Variants in WWOX observed in about 807,000 individuals in gnomAD.
WWOX encodes the protein WW domain containing oxidoreductase.
WWOX carries 69 observed loss-of-function variants against 46.2 expected under a neutral mutation model. The observed-to-expected ratio is 1.49, with a 90% confidence interval of 1.23 to 1.82. The LOEUF (loss-of-function observed/expected upper bound fraction) is 1.82, where lower values mean the gene tolerates loss of function less well. Among genes scored for constraint, WWOX ranks in the 40% most tolerant of loss-of-function variants. The probability of loss-of-function intolerance (pLI) is 0.00; values close to 1 mark genes in which losing one functional copy is unlikely to be tolerated. For missense variants in WWOX, 919 were observed against 542.6 expected (o/e 1.69, Z -6.89); for synonymous variants, 359 against 202.6 (o/e 1.77, Z -6.56).
chr16:78,557,216 C>T lies in WWOX; in HGVS notation c.1056+124464C>T, dbSNP rs558501197. Among the ~76,000 whole-genome samples, 375 of 148,042 alleles carry T rather than the reference C, an allele frequency of 2.5e-3. 3 individuals carry two copies. Among genetic ancestry groups the T allele is most frequent in the African/African-American group, 9.0e-3 (363 of 40,152 alleles). ...CAAGCTTGCTAACACAGGGAAAGACCAATTATCATGATTATTATTATTTAC... is the reference window on the plus strand; with the variant it reads ...CAAGCTTGCTAACACAGGGAAAGACTAATTATCATGATTATTATTATTTAC... On this transcript the variant is annotated intron_variant, in intron 8 of 8. Coordinates refer to ENST00000566780, the MANE Select transcript of WWOX (RefSeq NM_016373.4).
intron 8 of WWOX, among the ~76,000 whole-genome samples, chr16:79,156,447 C>G (rs558457397): frequency 6.6e-6 from 1 of 152,214 alleles, no homozygotes; most frequent in Non-Finnish European, 1.5e-5. Flanking sequence ...AGGCGTGAGC[C>G]ACCGCTCCCA....
intron 5 of WWOX, chr16:78,270,226 G>A (rs1432633823): frequency 2.6e-5 from 4 of 152,018 alleles, no homozygotes; most frequent in East Asian, 1.9e-4. Flanking sequence ...AGTGATCCTC[G>A]GGTCTCTTGT....
At chr16:78,846,517 C>T (rs1455394116) in intron 8 of WWOX, among the ~76,000 whole-genome samples, 1 of 152,068 alleles carries the variant, frequency 6.6e-6, no homozygotes, top group Non-Finnish European at 1.5e-5. Context: ...CTGATGTGTT[C>T]TCTTGATTAG....
intron 8 of WWOX, among the ~76,000 whole-genome samples, chr16:78,433,688 C>T (rs1824407002): frequency 1.3e-5 from 2 of 151,960 alleles, no homozygotes; most frequent in African/African-American, 4.8e-5. Flanking sequence ...TATTATCCTC[C>T]AGCTGATCTC....
intron 8 of WWOX, among the ~76,000 whole-genome samples, chr16:78,872,425 TAAAGG>T (rs972929521): frequency 6.6e-5 from 10 of 152,236 alleles, no homozygotes; most frequent in African/African-American, 2.2e-4. Flanking sequence ...AGAAGGGAGT[TAAAGG>T]AAAGAAATGC....
chr16:78,738,457 G>C (rs571534111), intron 8 of WWOX, among the ~76,000 whole-genome samples: 1 of 152,122 alleles, frequency 6.6e-6, no homozygotes, highest in Non-Finnish European at 1.5e-5. Context: ...GAAGTGTCAC[G>C]ATATAAAAAG....
intron 8 of WWOX, among the ~76,000 whole-genome samples, chr16:78,515,063 T>C (rs919519380): frequency 1.3e-5 from 2 of 151,602 alleles, no homozygotes; most frequent in Admixed American, 6.6e-5. Context: ...CTACTAAAAA[T>C]ACAAAAAAAA....
chr16:78,928,625 T>C lies in WWOX; in HGVS notation c.1057-282983T>C, dbSNP rs540524176. ...AAATACACTTTCTAAATAGATGAAA[T>C]GAAAGAAATTCTGAGAAGGGGTTTC... On this transcript the variant is annotated intron_variant, in intron 8 of 8. Coordinates refer to ENST00000566780, the MANE Select transcript of WWOX (RefSeq NM_016373.4). Among the ~76,000 whole-genome samples, 4 of 151,982 alleles carry C rather than the reference T, an allele frequency of 2.6e-5. 1 individual carries two copies. In the East Asian group the frequency reaches 7.8e-4, roughly 29 times the overall value.
chr16:78,744,017 C>G (rs143184720), intron 8 of WWOX, among the ~76,000 whole-genome samples: 253 of 152,174 alleles, frequency 1.7e-3, no homozygotes, highest in Middle Eastern at 6.8e-3. Flanking sequence ...TGCGTTTTGT[C>G]CAATTCTTTA....
At position 78,358,866 on chromosome 16, in the gene WWOX, C is replaced by CTTTT. The variant is rs57364873; in HGVS notation, c.517-27979_517-27976dup. On this transcript the variant is annotated intron_variant, in intron 5 of 8. Coordinates refer to ENST00000566780, the MANE Select transcript of WWOX (RefSeq NM_016373.4). ...CATAAAGTTGAAATCACACTGTGGT[C>CTTTT]TTTTTTTTTTTTTTTTTTAACCAGA... is the stretch of plus-strand genomic sequence containing the variant. Among the ~76,000 whole-genome samples, 1,124 of 120,934 alleles carry CTTTT rather than the reference C, an allele frequency of 9.3e-3. 38 individuals are homozygous for CTTTT. Among genetic ancestry groups the CTTTT allele is most frequent in the Admixed American group, 0.01 (117 of 11,326 alleles). 79.3% of individuals were successfully genotyped at this position (120,934 alleles called of 152,430 possible).
chr16:78,325,480 G>T (rs969851059), intron 5 of WWOX, among the ~76,000 whole-genome samples: 2 of 152,174 alleles, frequency 1.3e-5, no homozygotes, highest in African/African-American at 4.8e-5. Context: ...GGAAAGAAAA[G>T]AAGTGAATTA....
At chr16:78,393,887 C>T (rs909160421) in intron 6 of WWOX, among the ~76,000 whole-genome samples, 1 of 151,744 alleles carries the variant, frequency 6.6e-6, no homozygotes, top group East Asian at 1.9e-4. Flanking sequence ...TGTATCCTTG[C>T]TTTACTTCTT....
intron 8 of WWOX, among the ~76,000 whole-genome samples, chr16:79,028,241 G>A (rs558890296): frequency 1.3e-5 from 2 of 151,780 alleles, no homozygotes; most frequent in African/African-American, 2.4e-5. Flanking sequence ...GAGCCACCAC[G>A]CCCGACTGCT....
intron 4 of WWOX, among the ~76,000 whole-genome samples, chr16:78,163,590 A>C (rs1417032847): frequency 6.6e-6 from 1 of 152,198 alleles, no homozygotes; most frequent in African/African-American, 2.4e-5. Context: ...TGGCCCCCAA[A>C]ATTCTTAGTC....
intron 8 of WWOX, among the ~76,000 whole-genome samples, chr16:78,605,267 C>T (rs949568176): frequency 6.6e-6 from 1 of 151,772 alleles, no homozygotes; most frequent in African/African-American, 2.4e-5. Context: ...TCTCTCCAGC[C>T]TCCTGCTTCC....
chr16:79,149,724 A>G lies in WWOX; in HGVS notation c.1057-61884A>G, dbSNP rs543476699. Among the ~76,000 whole-genome samples, 3 of 152,354 alleles carry G rather than the reference A, an allele frequency of 2.0e-5. No homozygotes were observed. In the South Asian group the frequency reaches 6.2e-4, roughly 32 times the overall value. On this transcript the variant is annotated intron_variant, in intron 8 of 8. Transcript: ENST00000566780. Reference sequence around the variant, plus strand: ...TGGCATTCTGCCACAGACTACATTTAGGACCGCAGCCAGTGGGTTACAGCA... The same window carrying G: ...TGGCATTCTGCCACAGACTACATTTGGGACCGCAGCCAGTGGGTTACAGCA...
intron 8 of WWOX, among the ~76,000 whole-genome samples, chr16:79,125,047 C>T (rs79520467): frequency 5.2e-4 from 45 of 86,434 alleles, no homozygotes; most frequent in South Asian, 5.8e-4. Context: ...ATTTTCCCAT[C>T]TTTTTTTTTT....
At chr16:78,225,178 C>T (rs1401179778) in intron 5 of WWOX, among the ~76,000 whole-genome samples, 1 of 152,146 alleles carries the variant, frequency 6.6e-6, no homozygotes, top group Non-Finnish European at 1.5e-5. Flanking sequence ...TAGCCTCTTC[C>T]TCCAGGGCTA....
intron 8 of WWOX, among the ~76,000 whole-genome samples, chr16:78,801,158 C>G (rs1444921088): frequency 2.0e-5 from 3 of 151,850 alleles, no homozygotes; most frequent in Non-Finnish European, 2.9e-5. Context: ...CTCCCAGGTT[C>G]AAGTGATACT....
Sources: gnomAD v4.1 joint callset for allele counts (sites outside exome capture counted in the v4.1 genomes callset) on GRCh38, gnomAD v4.1.1 for gene constraint, MANE v1.5 for transcripts, NCBI Gene and HGNC (gene_info 2026-07-23, HGNC 2026-07-21) for gene names.